DHX40: variants seen among roughly 807,000 people sequenced by gnomAD.
DHX40 encodes probable ATP-dependent RNA helicase DHX40.
Under a neutral mutation model 89.6 loss-of-function variants are expected in DHX40, and 28 were observed. That is an observed-to-expected ratio of 0.31 (90% confidence interval 0.23 to 0.43). The LOEUF is 0.43. Ranked by LOEUF, DHX40 falls within the 20% of genes least tolerant of loss-of-function variation. The pLI is 1.00. For synonymous variants in DHX40, 226 were observed against 283.6 expected, an observed-to-expected ratio of 0.80 and a Z score of 2.04; for missense variants, 457 against 844.0, an observed-to-expected ratio of 0.54 and a Z score of 5.68.
chr17:59,566,578 G>C (rs1274898686), intron 1 of DHX40, 49 bp from the exon 2 acceptor site: 1 of 1,508,892 alleles, frequency 6.6e-7, no homozygotes, highest in Non-Finnish European at 8.8e-7. Context: ...AATTGAGTCA[G>C]AGATATCTTT....
intron 1 of DHX40, among the ~76,000 whole-genome samples, chr17:59,566,117 T>TA (rs942716742): frequency 6.6e-6 from 1 of 152,116 alleles, no homozygotes; most frequent in African/African-American, 2.4e-5. Context: ...AGCCTGCCTT[T>TA]GGGTACAGTA....
At chr17:59,600,480 C>A (rs951904036) in intron 14 of DHX40, among the ~76,000 whole-genome samples, 6 of 146,694 alleles carry the variant, frequency 4.1e-5, no homozygotes, top group African/African-American at 1.6e-4. Flanking sequence ...TTTTTTTGGT[C>A]TGGCATCTTT....
At chr17:59,591,913 G>A (rs2049088977) in intron 12 of DHX40, among the ~76,000 whole-genome samples, 1 of 151,872 alleles carries the variant, frequency 6.6e-6, no homozygotes, top group African/African-American at 2.4e-5. Context: ...CTGTTGCCCA[G>A]GCAGTAGTGC....
At chr17:59,605,723 C>T in intron 17 of DHX40, 49 bp downstream of exon 17, 1 of 1,499,858 alleles carries the variant, frequency 6.7e-7, no homozygotes, top group Non-Finnish European at 9.1e-7. Context: ...ATACTGCTTC[C>T]CAGTAGTACT....
rs188240036 is a variant in DHX40 at position 59,590,437 on chromosome 17, A to G, written c.1582+2384A>G. ...TACTCTAATCAATATACTGTTTCAAATAGTTTGCAGTCTTTTTTTTTTAAT... is the reference window on the plus strand; with the variant it reads ...TACTCTAATCAATATACTGTTTCAAGTAGTTTGCAGTCTTTTTTTTTTAAT... On this transcript the variant is annotated intron_variant, in intron 12 of 17. Transcript: ENST00000251241. 2.0e-5 allele frequency among the ~76,000 whole-genome samples: 3 copies of G among 149,906 alleles called. No homozygotes were observed. The East Asian group carries it at 5.8e-4, about 29-fold the overall frequency.
chr17:59,602,236 T>A (rs1440399331), intron 14 of DHX40, among the ~76,000 whole-genome samples: 1 of 152,210 alleles, frequency 6.6e-6, no homozygotes, highest in Non-Finnish European at 1.5e-5. Flanking sequence ...TACTTCCCTG[T>A]ACCTTGGTCT....
chr17:59,569,908 G>C (rs898211439), intron 2 of DHX40, among the ~76,000 whole-genome samples: 2 of 145,024 alleles, frequency 1.4e-5, no homozygotes, highest in Admixed American at 7.1e-5. Flanking sequence ...GCCCGGCATG[G>C]TGGCACATGC....
chr17:59,601,171 G>A (rs941473270), intron 14 of DHX40, among the ~76,000 whole-genome samples: 23 of 151,678 alleles, frequency 1.5e-4, no homozygotes, highest in Admixed American at 5.3e-4. Flanking sequence ...TTAGCCAGGC[G>A]TTGTGGCACA....
intron 12 of DHX40, among the ~76,000 whole-genome samples, chr17:59,590,273 G>A (rs1457258406): frequency 1.3e-5 from 2 of 148,154 alleles, no homozygotes; most frequent in Admixed American, 6.7e-5. Context: ...GCTTCCAAGT[G>A]AACAGTATAC....
At chr17:59,600,853 ATT>A (rs59684239) in intron 14 of DHX40, among the ~76,000 whole-genome samples, 39 of 130,798 alleles carry the variant, frequency 3.0e-4, no homozygotes, top group East Asian at 4.5e-4. Context: ...TCTCAAAAAA[ATT>A]TTTTTTTTTT....
Position 59,605,556 on chromosome 17 carries a change from CTTGT to C in DHX40, c.2084_2087del (p.Leu695TyrfsTer12). 1 of 1,614,106 alleles carries C rather than the reference CTTGT, an allele frequency of 6.2e-7. No homozygotes were observed. Among genetic ancestry groups the C allele is most frequent in the Non-Finnish European group, 8.5e-7 (1 of 1,179,996 alleles). On this transcript the variant is annotated frameshift_variant, in exon 17 of 18. Transcript: ENST00000251241. LOFTEE classifies it high-confidence loss of function. Reference sequence around the variant, plus strand: ...CAATCCGTTATGAATGGGTAAGAGACTTGTTACCCAAGTTGCATGAATTTAATGC... The same window carrying C: ...CAATCCGTTATGAATGGGTAAGAGACTACCCAAGTTGCATGAATTTAATGC...
chr17:59,604,751 T>C (rs2030741683), intron 15 of DHX40: 1 of 187,172 alleles, frequency 5.3e-6, no homozygotes, highest in African/African-American at 2.3e-5. Context: ...GTTTAGGACT[T>C]GGTTTTACCA....
intron 12 of DHX40, among the ~76,000 whole-genome samples, chr17:59,597,785 A>C (rs1014215703): frequency 9.3e-5 from 14 of 150,848 alleles, no homozygotes; most frequent in Admixed American, 2.6e-4. Flanking sequence ...AATACAAAAA[A>C]TTAGCCGGGC....
intron 11 of DHX40, among the ~76,000 whole-genome samples, chr17:59,587,363 A>G (rs1167487331): frequency 6.7e-6 from 1 of 150,278 alleles, no homozygotes; most frequent in African/African-American, 2.5e-5. Context: ...AGCTGGGATT[A>G]TAGGCATGCA....
At chr17:59,577,873 A>G (rs1480811124) in intron 8 of DHX40, among the ~76,000 whole-genome samples, 1 of 152,084 alleles carries the variant, frequency 6.6e-6, no homozygotes, top group African/African-American at 2.4e-5. Flanking sequence ...TCCCATTATA[A>G]GCATATACCT....
rs2048697661 is a variant in DHX40, at chr17:59,565,891, C to T, written c.112+108C>T. The T allele has an allele frequency of 8.5e-6, 8 of 944,496 alleles. No individual in the cohort carries two copies. In the South Asian group the frequency reaches 1.7e-4, roughly 20 times the overall value. 58.5% of individuals were successfully genotyped at this position (944,496 alleles called of 1,614,324 possible). A position where few individuals can be genotyped will look rare whatever the true frequency, so the allele number is the denominator to read the frequency against. ...AGGCTGAGAAGAGTAGTGAGGAAGC[C>T]GTGGCGTTCTCCTGGCTTTCCAAGC... On this transcript the variant is annotated intron_variant, in intron 1 of 17. Coordinates refer to ENST00000251241, the MANE Select transcript of DHX40 (RefSeq NM_024612.5).
At chr17:59,571,139 G>C (rs1277474272) in intron 3 of DHX40, among the ~76,000 whole-genome samples, 5 of 152,010 alleles carry the variant, frequency 3.3e-5, no homozygotes, top group African/African-American at 1.2e-4. Flanking sequence ...TTACTATTTT[G>C]GTATACAATT....
intron 12 of DHX40, among the ~76,000 whole-genome samples, chr17:59,598,400 G>A: frequency 6.6e-6 from 1 of 151,850 alleles, no homozygotes; most frequent in Non-Finnish European, 1.5e-5. Flanking sequence ...ACTTTTACAT[G>A]ATATTCTTTT....
chr17:59,607,157 A>G lies in DHX40; in HGVS notation c.2325A>G (p.Arg775=). ...GGACCCAGGACCACAGTGACACACG[A>G]AAGGAAACAGGCTAAGGTGGTGAAC... ...QQRTQDHSDT[R]KETG Residue 775 remains arginine (R), a synonymous_variant, in exon 18 of 18, where the codon CGA becomes CGG. Transcript: ENST00000251241. 6.2e-7 allele frequency: 1 copy of G among 1,614,218 alleles called. No individual in the cohort carries two copies. Among genetic ancestry groups the G allele is most frequent in the Non-Finnish European group, 8.5e-7 (1 of 1,180,030 alleles).
Sources: gnomAD v4.1 joint callset for allele counts (sites outside exome capture counted in the v4.1 genomes callset) on GRCh38, gnomAD v4.1.1 for gene constraint, MANE v1.5 for transcripts, NCBI Gene and HGNC (gene_info 2026-07-23, HGNC 2026-07-21) for gene names.